GTF2IRD1: variants seen among roughly 807,000 people sequenced by gnomAD.
GTF2IRD1 encodes general transcription factor II-I repeat domain-containing protein 1.
Under a neutral mutation model 113.2 loss-of-function variants are expected in GTF2IRD1, and 26 were observed. The ratio of observed to expected loss-of-function variants is 0.23; its 90% CI spans 0.17 to 0.32. GTF2IRD1 has a LOEUF of 0.32. Among genes scored for constraint, GTF2IRD1 ranks in the 10% least tolerant of loss-of-function variants. The pLI is 1.00. For synonymous variants in GTF2IRD1, 484 were observed against 529.1 expected (o/e 0.91, Z 1.17); for missense variants, 864 against 1,280.8 (o/e 0.67, Z 4.97).
At chr7:74,551,673 C>A (rs1228641867) in intron 17 of GTF2IRD1, among the ~76,000 whole-genome samples, 2 of 152,164 alleles carry the variant, frequency 1.3e-5, no homozygotes, top group African/African-American at 4.8e-5. Flanking sequence ...CGTGGTGGCT[C>A]ACACCTGTAA....
At position 74,515,473 on chromosome 7, in the gene GTF2IRD1, C is replaced by T; in HGVS notation, c.298C>T (p.His100Tyr). ...GPPWKDPEAE[H>Y]PKKVQRGEGG... ...CCCGTGGAAGGATCCGGAGGCAGAG[C>T]ACCCCAAGAAGGTGCAGCGGGGCGA... Residue 100 changes from histidine (H) to tyrosine (Y), a missense_variant, in exon 4 of 27, where the codon CAC becomes TAC. This residue lies in a region of GTF2IRD1 where 182 missense variants were observed against 266.6 expected (regional missense o/e 0.68). Coordinates refer to ENST00000424337, the MANE Select transcript of GTF2IRD1 (RefSeq NM_005685.4). 2 of 1,606,326 alleles carry T rather than the reference C, an allele frequency of 1.2e-6. No homozygotes were observed. Among genetic ancestry groups the T allele is most frequent in the Non-Finnish European group, 1.7e-6 (2 of 1,175,710 alleles).
intron 9 of GTF2IRD1, among the ~76,000 whole-genome samples, chr7:74,532,396 A>G (rs1798011508): frequency 1.3e-5 from 2 of 151,718 alleles, no homozygotes; most frequent in African/African-American, 4.9e-5. Context: ...TCTACAAAAA[A>G]TAAAATAAAT....
intron 8 of GTF2IRD1, among the ~76,000 whole-genome samples, chr7:74,526,887 G>A (rs1371286188): frequency 6.6e-6 from 1 of 152,154 alleles, no homozygotes; most frequent in Non-Finnish European, 1.5e-5. Flanking sequence ...ATCTCAGTGG[G>A]ATCTGGATGC....
At chr7:74,496,699 C>T (rs1209701592) in intron 1 of GTF2IRD1, among the ~76,000 whole-genome samples, 2 of 151,874 alleles carry the variant, frequency 1.3e-5, no homozygotes, top group Admixed American at 6.6e-5. Context: ...TGCTAGTGCT[C>T]ACACTTACCT....
chr7:74,546,025 A>G (rs1480724597), intron 16 of GTF2IRD1, among the ~76,000 whole-genome samples: 1 of 151,592 alleles, frequency 6.6e-6, no homozygotes, highest in Non-Finnish European at 1.5e-5. Flanking sequence ...ACTCACTCAC[A>G]CTCTGCCTCA....
In GTF2IRD1 at chr7:74,515,523, G is replaced by A; in HGVS notation, c.348G>A (p.Arg116=). Residue 116 remains arginine (R), a synonymous_variant, in exon 4 of 27, where the codon CGG becomes CGA. Transcript: ENST00000424337. ...RGEGGGRSLP[R]SSLEHGSDVY... The stretch of plus-strand genomic sequence containing the variant: ...AGGGTGGAGGCCGTAGCCTCCCTCG[G>A]TCCTCCCTGGAACATGGCTCAGATG... 3 of 1,613,938 alleles carry A rather than the reference G, an allele frequency of 1.9e-6. No homozygotes were observed. Among genetic ancestry groups the A allele is most frequent in the Middle Eastern group, 3.3e-4 (2 of 6,058 alleles).
intron 22 of GTF2IRD1, among the ~76,000 whole-genome samples, chr7:74,567,823 T>C (rs1180686138): frequency 6.6e-6 from 1 of 152,074 alleles, no homozygotes; most frequent in Non-Finnish European, 1.5e-5. Context: ...TCTCGCTCTA[T>C]TGCCCAGGCT....
At chr7:74,482,615 C>T (rs1460127369) in intron 1 of GTF2IRD1, among the ~76,000 whole-genome samples, 1 of 152,072 alleles carries the variant, frequency 6.6e-6, no homozygotes, top group African/African-American at 2.4e-5. Context: ...CCCAGGTAAC[C>T]AGCACCCAGA....
rs1554353479 is a variant in GTF2IRD1 at position 74,547,137 on chromosome 7, G to A, written c.1767G>A (p.Val589=). The change falls in exon 17 of 27, where the codon GTG becomes GTA. Residue 589 remains valine (V), a synonymous_variant. Coordinates refer to ENST00000424337, the MANE Select transcript of GTF2IRD1 (RefSeq NM_005685.4). ...KAIGISEPVK[V]PYSKFLMHPE... is the part of the protein sequence containing the mutation. ...TTGGCATCTCGGAGCCCGTCAAGGT[G>A]CCGTACTCCAAGTTTCTGATGCACC... 5 of 1,613,358 alleles carry A rather than the reference G, an allele frequency of 3.1e-6. No individual in the cohort carries two copies. The highest frequency in any genetic ancestry group is 1.1e-5 in the South Asian group (1 of 91,038).
intron 1 of GTF2IRD1, among the ~76,000 whole-genome samples, chr7:74,496,490 T>G (rs868929439): frequency 3.9e-5 from 5 of 128,570 alleles, no homozygotes; most frequent in South Asian, 2.4e-4. Context: ...CACGTATGTG[T>G]GTGTGTGTGT....
intron 22 of GTF2IRD1, among the ~76,000 whole-genome samples, chr7:74,567,360 G>T (rs1800385619): frequency 6.6e-6 from 1 of 151,784 alleles, no homozygotes; most frequent in South Asian, 2.1e-4. Context: ...GGAGAGAGAG[G>T]TGGAAAGTCC....
At chr7:74,599,156 G>A (rs1331721812) in intron 25 of GTF2IRD1, among the ~76,000 whole-genome samples, 8 of 152,076 alleles carry the variant, frequency 5.3e-5, no homozygotes, top group Admixed American at 5.3e-4. Flanking sequence ...GCAGGGTGGT[G>A]TGCACCTGTA....
chr7:74,511,434 A>C (rs1554342947), intron 2 of GTF2IRD1, among the ~76,000 whole-genome samples: 1 of 152,218 alleles, frequency 6.6e-6, no homozygotes, highest in Non-Finnish European at 1.5e-5. Context: ...CAGCTCTTTC[A>C]GCTGTGATGG....
chr7:74,496,485 A>ATGTG lies in GTF2IRD1; in HGVS notation c.-6-11576_-6-11573dup, dbSNP rs201962320. Among the ~76,000 whole-genome samples the ATGTG allele has an allele frequency of 8.2e-4, 76 of 92,814 alleles. No homozygotes were observed. The East Asian group carries it at 0.011, about 14-fold the overall frequency. The allele number at this position is 92,814 out of a possible 152,430, so 60.9% of individuals were successfully genotyped here. ...TGTGTGTTCATGTGGGTGTGCACGT[A>ATGTG]TGTGTGTGTGTGTGTGTTCATGTGG... On this transcript the variant is annotated intron_variant, in intron 1 of 26. Transcript: ENST00000424337.
chr7:74,455,743 C>T (rs1300304597), intron 1 of GTF2IRD1, among the ~76,000 whole-genome samples: 1 of 152,142 alleles, frequency 6.6e-6, no homozygotes, highest in Non-Finnish European at 1.5e-5. Context: ...CATCCTGCCT[C>T]TGGGGTGTGG....
intron 4 of GTF2IRD1, 40 bp from the exon 5 acceptor site, chr7:74,518,099 C>G: frequency 7.2e-7 from 1 of 1,384,888 alleles, no homozygotes; most frequent in Non-Finnish European, 9.6e-7. Context: ...GCCTGGCTGC[C>G]CTCTCATACC....
chr7:74,469,901 A>C (rs1170776141), intron 1 of GTF2IRD1, among the ~76,000 whole-genome samples: 2 of 151,776 alleles, frequency 1.3e-5, no homozygotes, highest in Non-Finnish European at 2.9e-5. Flanking sequence ...TAGAGACGGC[A>C]TATGTATTAG....
intron 22 of GTF2IRD1, among the ~76,000 whole-genome samples, chr7:74,562,804 C>G (rs1451106020): frequency 1.3e-5 from 2 of 152,038 alleles, no homozygotes; most frequent in Non-Finnish European, 2.9e-5. Flanking sequence ...TCTCGAACTC[C>G]TGGCCAGCCT....
rs782370026 is a variant in GTF2IRD1 at position 74,601,054 on chromosome 7, C to A, written c.2640C>A (p.Ser880Arg). The change falls in exon 26 of 27, where the codon AGC (serine) becomes AGA (arginine). Residue 880 changes from serine (S) to arginine (R), a missense_variant. Ser to Arg is a moderately radical substitution (Grantham distance 110, BLOSUM62 -1). This residue lies in a region of GTF2IRD1 where 55 missense variants were observed against 52.2 expected (regional missense o/e 1.05). Transcript: ENST00000424337. ...TTCCCCTCCTTCCAGCCAAAGACAGCAGCATTCCCAAGCGCAAGAGAAAGC... is the reference window on the plus strand; with the variant it reads ...TTCCCCTCCTTCCAGCCAAAGACAGAAGCATTCCCAAGCGCAAGAGAAAGC... ...CNDAKVPAKD[S>R]SIPKRKRKRV... The A allele has an allele frequency of 7.4e-6, 12 of 1,614,172 alleles. No homozygotes were observed. Among genetic ancestry groups the A allele is most frequent in the African/African-American group, 1.3e-5 (1 of 75,050 alleles).
Sources: gnomAD v4.1 joint callset for allele counts (sites outside exome capture counted in the v4.1 genomes callset) on GRCh38, gnomAD v4.1.1 for gene constraint, gnomAD v4.1.1 regional missense constraint, MANE v1.5 for transcripts, NCBI Gene and HGNC (gene_info 2026-07-23, HGNC 2026-07-21) for gene names.